CALU: variants seen among roughly 807,000 people sequenced by gnomAD.
CALU encodes IEF SSP 9302.
Under a neutral mutation model 37.5 loss-of-function variants are expected in CALU, and 13 were observed. The ratio of observed to expected loss-of-function variants is 0.35; its 90% CI spans 0.23 to 0.55. The LOEUF (loss-of-function observed/expected upper bound fraction) is 0.55, where lower values mean the gene tolerates loss of function less well. Ranked by LOEUF, CALU falls within the 20% of genes least tolerant of loss-of-function variation. The pLI, the probability that CALU is intolerant of heterozygous loss-of-function variation, is 0.89. For synonymous variants in CALU, 114 were observed against 133.8 expected (o/e 0.85, Z 1.02); for missense variants, 282 against 391.7 (o/e 0.72, Z 2.36).
chr7:128,748,083 C>A lies in CALU; in HGVS notation c.-11-490C>A, dbSNP rs536902840. 1.3e-5 allele frequency: 4 copies of A among 309,592 alleles called. No homozygotes were observed. In the South Asian group the frequency reaches 3.4e-4, roughly 27 times the overall value. 19.2% of individuals were successfully genotyped at this position (309,592 alleles called of 1,614,324 possible). On this transcript the variant is annotated intron_variant, in intron 1 of 6. Transcript: ENST00000249364. ...AGAATCACCTGAAAAACATTTAAAG[C>A]TACGAATGTCTGAATTCAGCTTCAG...
At position 128,772,063 on chromosome 7, in the gene CALU, G is replaced by GTT. The variant is rs763113986; in HGVS notation, c.*2906_*2907dup. ...TATTTGGGGCCACTGAGTTTTTTTT[G>GTT]TTTTTTTTTTTGTTTTGTTTTGTTT... On this transcript the variant is annotated 3_prime_UTR_variant, in exon 7 of 7. Coordinates refer to ENST00000249364, the MANE Select transcript of CALU (RefSeq NM_001219.5). Among the ~76,000 whole-genome samples the GTT allele has an allele frequency of 6.0e-5, 4 of 66,662 alleles. No homozygotes were observed. The highest frequency in any genetic ancestry group is 8.8e-5 in the African/African-American group (2 of 22,810). The allele number at this position is 66,662 out of a possible 152,430, so 43.7% of individuals were successfully genotyped here.
chr7:128,772,675 C>T lies in CALU; in HGVS notation c.*3508C>T, dbSNP rs1801635721. On this transcript the variant is annotated 3_prime_UTR_variant, in exon 7 of 7. Transcript: ENST00000249364. ...AAGCTTGGAACTGGAGAGAAAGGTACAATTGGAGATAACCTTGGCAGATGA... is the reference window on the plus strand; with the variant it reads ...AAGCTTGGAACTGGAGAGAAAGGTATAATTGGAGATAACCTTGGCAGATGA... The T allele has an allele frequency of 8.1e-6, 13 of 1,613,932 alleles. No individual in the cohort carries two copies. The highest frequency in any genetic ancestry group is 1.1e-5 in the Non-Finnish European group (13 of 1,179,902).
intron 1 of CALU, among the ~76,000 whole-genome samples, 154 bp downstream of exon 1, chr7:128,739,586 A>G (rs1800149673): frequency 6.6e-6 from 1 of 151,312 alleles, no homozygotes; most frequent in Admixed American, 6.6e-5. Flanking sequence ...GCTGCTGGAG[A>G]TCCCGGGACC....
chr7:128,757,640 AAT>A (rs1319821835), intron 3 of CALU, among the ~76,000 whole-genome samples: 3 of 152,150 alleles, frequency 2.0e-5, no homozygotes, highest in Non-Finnish European at 4.4e-5. Context: ...TTATGTAATC[AAT>A]ATGTTGCAGG....
chr7:128,749,509 A>G (rs1800576498), intron 2 of CALU, among the ~76,000 whole-genome samples: 2 of 152,182 alleles, frequency 1.3e-5, no homozygotes, highest in Non-Finnish European at 2.9e-5. Context: ...TTCCTTTTGA[A>G]GAAAATGCAG....
At chr7:128,768,613 C>T (rs575009935) in intron 6 of CALU, among the ~76,000 whole-genome samples, 38 of 152,052 alleles carry the variant, frequency 2.5e-4, no homozygotes, top group African/African-American at 7.2e-4. Flanking sequence ...CCAAGGCAGG[C>T]GGATCACCTG....
At chr7:128,762,576 G>GA (rs201170536) in intron 5 of CALU, among the ~76,000 whole-genome samples, 43 of 138,426 alleles carry the variant, frequency 3.1e-4, no homozygotes, top group Non-Finnish European at 4.1e-4. Context: ...CATAGGGAAA[G>GA]AAAAAAAAAA....
chr7:128,768,778 C>T (rs1180999995), intron 6 of CALU, among the ~76,000 whole-genome samples: 2 of 136,986 alleles, frequency 1.5e-5, no homozygotes, highest in African/African-American at 2.8e-5. Context: ...ACACGGGAGG[C>T]GGAGGTTGCG....
chr7:128,751,156 C>T (rs1300178698), intron 2 of CALU, among the ~76,000 whole-genome samples: 2 of 151,810 alleles, frequency 1.3e-5, no homozygotes, highest in Non-Finnish European at 2.9e-5. Flanking sequence ...GGCCTGGTGG[C>T]GCGTGCCTGT....
At position 128,748,706 on chromosome 7, in the gene CALU, T is replaced by C. The variant is rs1800542689; in HGVS notation, c.123T>C (p.Asp41=). 6.2e-7 allele frequency: 1 copy of C among 1,614,070 alleles called. No homozygotes were observed. The highest frequency in any genetic ancestry group is 8.5e-7 in the Non-Finnish European group (1 of 1,180,016). Residue 41 remains aspartate (D), a synonymous_variant, in exon 2 of 7, where the codon GAT becomes GAC. Coordinates refer to ENST00000249364, the MANE Select transcript of CALU (RefSeq NM_001219.5). ...AGCTCAGTGACAAGGTTCACAATGA[T>C]GCTCAGAGTTTTGATTATGACCATG... ...EPQLSDKVHN[D]AQSFDYDHDA...
chr7:128,771,737 C>T lies in CALU; in HGVS notation c.*2570C>T, dbSNP rs956626048. 6.6e-6 allele frequency: 1 copy of T among 152,152 alleles called. No individual in the cohort carries two copies. Among genetic ancestry groups the T allele is most frequent in the African/African-American group, 2.4e-5 (1 of 41,420 alleles). The allele number at this position is 152,152 out of a possible 1,614,324, so 9.4% of individuals were successfully genotyped here. A position where few individuals can be genotyped will look rare whatever the true frequency, so the allele number is the denominator to read the frequency against. On this transcript the variant is annotated 3_prime_UTR_variant, in exon 7 of 7. Coordinates refer to ENST00000249364, the MANE Select transcript of CALU (RefSeq NM_001219.5). ...CTGCTCGTTATATAATTATCTGATA[C>T]CAAACACAAGCGATTCTGAATGTAC...
At chr7:128,759,379 CAGTGATACTAA>C (rs904443850) in intron 4 of CALU, among the ~76,000 whole-genome samples, 1 of 152,160 alleles carries the variant, frequency 6.6e-6, no homozygotes, top group Non-Finnish European at 1.5e-5. Flanking sequence ...TGAGTAATAA[CAGTGATACTAA>C]AGAACTCTCA....
intron 1 of CALU, among the ~76,000 whole-genome samples, chr7:128,743,583 A>G (rs1352882694): frequency 6.6e-6 from 1 of 150,970 alleles, no homozygotes; most frequent in African/African-American, 2.4e-5. Context: ...GTGTGGTGGC[A>G]TGATCATGAC....
intron 4 of CALU, among the ~76,000 whole-genome samples, chr7:128,759,310 T>G (rs1418031624): frequency 6.6e-6 from 1 of 152,202 alleles, no homozygotes; most frequent in African/African-American, 2.4e-5. Flanking sequence ...TAGCTTCATA[T>G]TGTAAGAATG....
intron 2 of CALU, among the ~76,000 whole-genome samples, chr7:128,750,337 C>G (rs1416713406): frequency 6.6e-6 from 1 of 151,800 alleles, no homozygotes; most frequent in East Asian, 1.9e-4. Flanking sequence ...TATTTTTTCA[C>G]AGAATTAACT....
intron 2 of CALU, among the ~76,000 whole-genome samples, chr7:128,753,943 T>C (rs1800770588): frequency 6.6e-6 from 1 of 152,164 alleles, no homozygotes. Flanking sequence ...GTTTTACATG[T>C]TGTTTGATGC....
At chr7:128,752,133 G>T (rs1190226699) in intron 2 of CALU, among the ~76,000 whole-genome samples, 1 of 151,714 alleles carries the variant, frequency 6.6e-6, no homozygotes, top group Middle Eastern at 3.4e-3. Context: ...ATTTTCAGAG[G>T]CTTGTTAAAA....
At chr7:128,756,939 A>G (rs1280558363) in intron 3 of CALU, among the ~76,000 whole-genome samples, 11 of 151,982 alleles carry the variant, frequency 7.2e-5, no homozygotes, top group African/African-American at 2.4e-4. Flanking sequence ...ATTAGCCAGG[A>G]GTGGTAATAC....
intron 2 of CALU, among the ~76,000 whole-genome samples, chr7:128,749,807 C>A (rs1800589459): frequency 6.6e-6 from 1 of 152,134 alleles, no homozygotes; most frequent in Non-Finnish European, 1.5e-5. Flanking sequence ...TGAGCACTGT[C>A]ACATAGCATT....
Sources: allele counts gnomAD v4.1 joint callset (sites outside exome capture counted in the v4.1 genomes callset), GRCh38; gene constraint gnomAD v4.1.1; transcripts MANE v1.5; gene names NCBI Gene and HGNC (gene_info 2026-07-23, HGNC 2026-07-21).